UCKL1: variants seen among roughly 807,000 people sequenced by gnomAD.
UCKL1 encodes uridine-cytidine kinase-like 1.
UCKL1 carries 65 observed loss-of-function variants against 59.2 expected under a neutral mutation model. The ratio of observed to expected loss-of-function variants is 1.10; its 90% CI spans 0.90 to 1.35. The LOEUF (loss-of-function observed/expected upper bound fraction) is 1.35. Among genes scored for constraint, UCKL1 ranks in the 40% most tolerant of loss-of-function variants. The pLI, the probability that UCKL1 is intolerant of heterozygous loss-of-function variation, is 0.00. For missense variants in UCKL1, 703 were observed against 784.3 expected (o/e 0.90, Z 1.24); for synonymous variants, 410 against 323.1 (o/e 1.27, Z -2.88).
intron 1 of UCKL1, among the ~76,000 whole-genome samples, chr20:63,946,904 C>A (rs2056391338): frequency 6.6e-6 from 1 of 151,940 alleles, no homozygotes; most frequent in South Asian, 2.1e-4. Context: ...ATGGTGAAGA[C>A]CCGTCTCTAC....
In UCKL1 at chr20:63,945,343, GCCCTGGGTCCTCACCTGTCCGTCAGGAC is replaced by G. The variant is rs370141457; in HGVS notation, c.654+280_654+307del. On this transcript the variant is annotated intron_variant, in intron 5 of 14. Coordinates refer to ENST00000354216, the MANE Select transcript of UCKL1 (RefSeq NM_017859.4). ...ACAGCAAAATCTCTCAAACACACCAGCCCTGGGTCCTCACCTGTCCGTCAGGACCACGGCAAGGGACGAGAACGCCAAG... is the reference window on the plus strand; with the variant it reads ...ACAGCAAAATCTCTCAAACACACCAGCACGGCAAGGGACGAGAACGCCAAG... Among the ~76,000 whole-genome samples the G allele has an allele frequency of 5.0e-3, 764 of 152,308 alleles. 2 individuals carry two copies. The highest frequency in any genetic ancestry group is 0.018 in the African/African-American group (728 of 41,568).
In UCKL1 at chr20:63,956,412, C is replaced by T. The variant is rs559212222; in HGVS notation, c.-40G>A. 2.2e-6 allele frequency: 3 copies of T among 1,349,762 alleles called. No homozygotes were observed. The highest frequency in any genetic ancestry group is 1.7e-5 in the South Asian group (1 of 57,376). The allele number at this position is 1,349,762 out of a possible 1,614,324, so 83.6% of individuals were successfully genotyped here. ...TCTTTGCGGGCCTGGCCGGGCGGCG[C>T]GCATGGGCCGCCGGGAGCTGGCGGG... is the stretch of plus-strand genomic sequence containing the variant. On this transcript the variant is annotated 5_prime_UTR_variant, in exon 1 of 15. Transcript: ENST00000354216.
At chr20:63,947,962 G>C (rs570189084) in intron 1 of UCKL1, among the ~76,000 whole-genome samples, 1 of 152,200 alleles carries the variant, frequency 6.6e-6, no homozygotes, top group Non-Finnish European at 1.5e-5. Context: ...GCAGCCTCTG[G>C]GGAGGCTCAA....
intron 1 of UCKL1, chr20:63,956,028 C>G (rs1367643317): frequency 2.4e-6 from 1 of 411,232 alleles, no homozygotes; most frequent in African/African-American, 2.1e-5. Context: ...GGTGCGCACC[C>G]GGACTCCTTC....
Position 63,941,202 on chromosome 20 carries a change from C to A in UCKL1, c.930G>T (p.Ala310=). ...GGTGGCACTGGTGTGCCGAGGCCAG[C>A]GCAGCCCTGGGGACAAACCGATGGG... The part of the protein sequence containing the change: ...LEERELSVRA[A]LASAHQCHPL... Residue 310 remains alanine (A), a synonymous_variant, in exon 9 of 15, where the codon GCG becomes GCT. Coordinates refer to ENST00000354216, the MANE Select transcript of UCKL1 (RefSeq NM_017859.4). 6.5e-7 allele frequency: 1 copy of A among 1,533,794 alleles called. No individual in the cohort carries two copies. Among genetic ancestry groups the A allele is most frequent in the Non-Finnish European group, 8.7e-7 (1 of 1,146,658 alleles).
At chr20:63,943,988 C>T (rs977679837) in intron 7 of UCKL1, among the ~76,000 whole-genome samples, 22 of 152,232 alleles carry the variant, frequency 1.4e-4, no homozygotes, top group Admixed American at 8.5e-4. Flanking sequence ...GAGCAGGGGA[C>T]CTCTGGTGGG....
chr20:63,940,323 G>A lies in UCKL1; in HGVS notation c.1411-17C>T. 22 of 1,612,370 alleles carry A rather than the reference G, an allele frequency of 1.4e-5. No homozygotes were observed. The highest frequency in any genetic ancestry group is 1.9e-5 in the Non-Finnish European group (22 of 1,179,780). ...GTCGTGGTCCTACCGAGTGTATTGGGCAGGTAAATCCCACCTCTGCCTGAA... is the reference window on the plus strand; with the variant it reads ...GTCGTGGTCCTACCGAGTGTATTGGACAGGTAAATCCCACCTCTGCCTGAA... On this transcript the variant is annotated splice_polypyrimidine_tract_variant and intron_variant, in intron 13 of 14. Transcript: ENST00000354216.
chr20:63,952,071 G>A (rs1050221394), intron 1 of UCKL1, among the ~76,000 whole-genome samples: 16 of 152,168 alleles, frequency 1.1e-4, no homozygotes, highest in East Asian at 1.9e-4. Context: ...AGGCAGGACC[G>A]GCCCATCTGT....
intron 1 of UCKL1, 151 bp downstream of exon 1, chr20:63,956,109 C>T: frequency 1.3e-6 from 1 of 744,996 alleles, no homozygotes; most frequent in South Asian, 2.4e-5. Context: ...CGCGGGGTTC[C>T]ACCCGGCACG....
chr20:63,950,807 T>A (rs2057470964), intron 1 of UCKL1: 1 of 1,539,928 alleles, frequency 6.5e-7, no homozygotes, highest in Non-Finnish European at 8.8e-7. Flanking sequence ...GATGCCAGGG[T>A]AAGCTGGGGG....
Position 63,940,137 on chromosome 20 carries a change from C to G in UCKL1, c.1567+13G>C, listed in dbSNP as rs773901791. 1.9e-6 allele frequency: 3 copies of G among 1,612,466 alleles called. No individual in the cohort carries two copies. The highest frequency in any genetic ancestry group is 1.3e-5 in the African/African-American group (1 of 75,012). ...TGCCCTCATGTGCGGCTGAAGGGCC[C>G]GGGCAGCCTCACCAATGCCTGGGAT... On this transcript the variant is annotated intron_variant, in intron 14 of 14. Coordinates refer to ENST00000354216, the MANE Select transcript of UCKL1 (RefSeq NM_017859.4).
At chr20:63,943,804 G>T in intron 7 of UCKL1, 135 bp from the exon 8 acceptor site, 1 of 1,279,498 alleles carries the variant, frequency 7.8e-7, no homozygotes, top group Non-Finnish European at 1.1e-6. Context: ...GGGGTGGCAA[G>T]CTTCTAATGC....
At chr20:63,941,665 A>G (rs1229854818) in intron 8 of UCKL1, 5 of 215,192 alleles carry the variant, frequency 2.3e-5, no homozygotes, top group Admixed American at 1.2e-4. Context: ...GCGGCCCCTC[A>G]AGAGAGGGGG....
chr20:63,949,078 C>T (rs1376711225), intron 1 of UCKL1, among the ~76,000 whole-genome samples: 2 of 152,174 alleles, frequency 1.3e-5, no homozygotes, highest in Admixed American at 6.5e-5. Context: ...CTGCACCTGA[C>T]GGGGAAAACG....
At chr20:63,946,751 G>A (rs1055748802) in intron 1 of UCKL1, 108 bp from the exon 2 acceptor site, 1 of 1,203,536 alleles carries the variant, frequency 8.3e-7, no homozygotes, top group Non-Finnish European at 1.2e-6. Flanking sequence ...AACAGGCATG[G>A]CTGAGGCGGG....
chr20:63,945,946 G>C lies in UCKL1; in HGVS notation c.441C>G (p.Ala147=). The C allele has an allele frequency of 6.2e-7, 1 of 1,613,824 alleles. No homozygotes were observed. Among genetic ancestry groups the C allele is most frequent in the Non-Finnish European group, 8.5e-7 (1 of 1,179,980 alleles). The change falls in exon 4 of 15, where the codon GCC becomes GCG. Residue 147 remains alanine, a synonymous_variant. Coordinates refer to ENST00000354216, the MANE Select transcript of UCKL1 (RefSeq NM_017859.4). ...GGTCGAAGTTGAAGTTGTTGTGTGC[G>C]GCCTGTTCCTGCTGCTGCTCAGTCA... ...KVLTEQQQEQ[A]AHNNFNFDHP... is the part of the protein sequence containing the mutation.
At chr20:63,948,639 CGT>C (rs1569123785) in intron 1 of UCKL1, among the ~76,000 whole-genome samples, 55 of 17,168 alleles carry the variant, frequency 3.2e-3, no homozygotes, top group Admixed American at 4.7e-3. Context: ...AGGGAAGGGG[CGT>C]GTGTGAGAGG....
At position 63,940,021 on chromosome 20, in the gene UCKL1, C is replaced by T; in HGVS notation, c.1602G>A (p.Ala534=). 2.5e-6 allele frequency: 4 copies of T among 1,609,826 alleles called. No homozygotes were observed. The highest frequency in any genetic ancestry group is 2.5e-6 in the Non-Finnish European group (3 of 1,179,200). The change falls in exon 15 of 15, where the codon GCG becomes GCA. Residue 534 remains alanine (A), a synonymous_variant. Transcript: ENST00000354216. ...CCTCCTCGTCACTGCCATCGGGGACCGCGTCTGTCCCAAAGTAGCGGTCGC... is the reference window on the plus strand; with the variant it reads ...CCTCCTCGTCACTGCCATCGGGGACTGCGTCTGTCCCAAAGTAGCGGTCGC... The part of the protein sequence containing the change: ...NFGDRYFGTD[A]VPDGSDEEEV...
chr20:63,947,784 A>G (rs574356354), intron 1 of UCKL1, among the ~76,000 whole-genome samples: 84 of 152,342 alleles, frequency 5.5e-4, no homozygotes, highest in African/African-American at 2.0e-3. Flanking sequence ...GGGAGCCCCT[A>G]AAGTCTGCAA....
Sources: allele counts gnomAD v4.1 joint callset (sites outside exome capture counted in the v4.1 genomes callset), GRCh38; gene constraint gnomAD v4.1.1; transcripts MANE v1.5; gene names NCBI Gene and HGNC (gene_info 2026-07-23, HGNC 2026-07-21).